NNT: variants seen among roughly 807,000 people sequenced by gnomAD.
NNT encodes the protein nicotinamide nucleotide transhydrogenase, also known as NAD(P) transhydrogenase, mitochondrial.
In NNT, 50 loss-of-function variants were observed where a neutral mutation model predicts 104.8. The ratio of observed to expected loss-of-function variants is 0.48; its 90% CI spans 0.38 to 0.60. NNT has a LOEUF of 0.60. Among genes scored for constraint, NNT ranks in the 20% least tolerant of loss-of-function variants. The pLI is 0.00. For synonymous variants in NNT, 461 were observed against 490.4 expected, an observed-to-expected ratio of 0.94 and a Z score of 0.79; for missense variants, 1,131 against 1,330.7, an observed-to-expected ratio of 0.85 and a Z score of 2.33.
chr5:43,655,906 T>G lies in NNT; in HGVS notation c.2126T>G (p.Leu709Ter). Residue 709 changes from leucine (L) to a stop codon, truncating the protein, a stop_gained, in exon 15 of 22, where the codon TTA becomes TGA. Transcript: ENST00000344920. LOFTEE classifies it high-confidence loss of function. ...LPQLVAAFHS[L>*]VGLAAVLTCI... ...CAATTAGTTGCTGCTTTTCACAGTTTAGTGGGTTTGGCAGCTGTACTTACT... is the reference window on the plus strand; with the variant it reads ...CAATTAGTTGCTGCTTTTCACAGTTGAGTGGGTTTGGCAGCTGTACTTACT... 1 of 1,614,268 alleles carries G rather than the reference T, an allele frequency of 6.2e-7. No individual in the cohort carries two copies. The highest frequency in any genetic ancestry group is 8.5e-7 in the Non-Finnish European group (1 of 1,180,054).
intron 7 of NNT, among the ~76,000 whole-genome samples, chr5:43,634,268 A>G (rs1308007369): frequency 6.6e-6 from 1 of 152,176 alleles, no homozygotes; most frequent in Non-Finnish European, 1.5e-5. Flanking sequence ...CTGTCTTGTT[A>G]AATTTATCTT....
intron 19 of NNT, among the ~76,000 whole-genome samples, chr5:43,684,052 A>T (rs1741857358): frequency 6.6e-6 from 1 of 152,310 alleles, no homozygotes; most frequent in Non-Finnish European, 1.5e-5. Context: ...CTTAGGTGAC[A>T]GCTCATCTCT....
intron 19 of NNT, among the ~76,000 whole-genome samples, chr5:43,678,659 C>T (rs765105221): frequency 6.6e-6 from 1 of 152,094 alleles, no homozygotes. Flanking sequence ...AAGAGCAAGA[C>T]CAAGTAATAA....
chr5:43,681,599 C>G (rs753997764), intron 19 of NNT, among the ~76,000 whole-genome samples: 6 of 152,002 alleles, frequency 3.9e-5, no homozygotes. Flanking sequence ...GGGGTTTCGC[C>G]ACGTTGGCCA....
Position 43,624,131 on chromosome 5 carries a change from T to G in NNT, c.776+11T>G. On this transcript the variant is annotated intron_variant, in intron 6 of 21. Transcript: ENST00000344920. ...AGGATTTGACACAAGGTGAGTGCTT[T>G]ACTAGTGACTGATGTTAAGGTAAAA... 1 of 1,612,202 alleles carries G rather than the reference T, an allele frequency of 6.2e-7. No individual in the cohort carries two copies. The highest frequency in any genetic ancestry group is 8.5e-7 in the Non-Finnish European group (1 of 1,178,254).
chr5:43,655,124 T>C (rs1397398841), intron 14 of NNT, among the ~76,000 whole-genome samples: 2 of 152,198 alleles, frequency 1.3e-5, no homozygotes, highest in Non-Finnish European at 2.9e-5. Context: ...GTGTTTCTTA[T>C]GTGCTCAGGA....
At chr5:43,633,113 T>A (rs143709813) in intron 7 of NNT, among the ~76,000 whole-genome samples, 2 of 152,274 alleles carry the variant, frequency 1.3e-5, no homozygotes, top group Non-Finnish European at 2.9e-5. Flanking sequence ...CCATAGCTAT[T>A]CTAAGGCCTG....
rs6899284 is a variant in NNT, at chr5:43,646,960, A to T, written c.1444+1450A>T. ...TCTGGCTATGCATTGTTGGAGGCTG[A>T]AATACGGATATTTGATTTTAAATTG... On this transcript the variant is annotated intron_variant, in intron 10 of 21. Transcript: ENST00000344920. Among the ~76,000 whole-genome samples, 1,405 of 152,342 alleles carry T rather than the reference A, an allele frequency of 9.2e-3. 14 individuals carry two copies. The highest frequency in any genetic ancestry group is 0.032 in the African/African-American group (1,315 of 41,580).
intron 19 of NNT, among the ~76,000 whole-genome samples, chr5:43,692,528 T>C (rs542778510): frequency 6.6e-6 from 1 of 152,304 alleles, no homozygotes; most frequent in Non-Finnish European, 1.5e-5. Flanking sequence ...TTCACCATGT[T>C]GGCCAGGCTG....
intron 14 of NNT, among the ~76,000 whole-genome samples, chr5:43,655,415 A>G (rs1047786800): frequency 5.3e-5 from 8 of 152,222 alleles, no homozygotes; most frequent in Admixed American, 5.2e-4. Flanking sequence ...CTGACATGAC[A>G]TCACAAGTGG....
chr5:43,638,664 G>GTTT (rs371989090), intron 7 of NNT, among the ~76,000 whole-genome samples: 5 of 133,744 alleles, frequency 3.7e-5, no homozygotes, highest in Non-Finnish European at 3.2e-5. Flanking sequence ...AGAAAGTTTT[G>GTTT]TTTTTTTTTT....
rs1482817158 is a variant in NNT at position 43,645,478 on chromosome 5, A to G, written c.1412A>G (p.Lys471Arg). 4 of 1,567,340 alleles carry G rather than the reference A, an allele frequency of 2.6e-6. No homozygotes were observed. The highest frequency in any genetic ancestry group is 3.5e-6 in the Non-Finnish European group (4 of 1,155,416). Residue 471 changes from lysine to arginine, a missense_variant, in exon 10 of 22, where the codon AAG becomes AGG. Coordinates refer to ENST00000344920, the MANE Select transcript of NNT (RefSeq NM_182977.3). ...GCAGCTACCATTACACCCTTCAGGA[A>G]GACAATGTCAACGGCTTCTGCATAT... The part of the protein sequence containing the change: ...EKAATITPFR[K>R]TMSTASAYTA...
intron 2 of NNT, among the ~76,000 whole-genome samples, chr5:43,611,471 C>T (rs1749496579): frequency 6.6e-6 from 1 of 152,164 alleles, no homozygotes; most frequent in South Asian, 2.1e-4. Context: ...AGGTTGTCAG[C>T]TAAGTGAACT....
At chr5:43,693,042 A>AT (rs143728935) in intron 19 of NNT, among the ~76,000 whole-genome samples, 4,444 of 147,994 alleles carry the variant, frequency 0.03, 171 homozygotes, top group African/African-American at 0.094. Flanking sequence ...AGCTTTATTT[A>AT]TTTTTTTTTT....
chr5:43,624,500 T>A (rs1750262716), intron 6 of NNT, among the ~76,000 whole-genome samples: 4 of 152,306 alleles, frequency 2.6e-5, no homozygotes, highest in Admixed American at 2.0e-4. Flanking sequence ...CTACCGTGAA[T>A]GAATAGAAGC....
chr5:43,618,713 T>G (rs532628199), intron 4 of NNT, among the ~76,000 whole-genome samples: 1 of 152,332 alleles, frequency 6.6e-6, no homozygotes, highest in Admixed American at 6.5e-5. Context: ...AGTGCCTCTG[T>G]AGGCAGACTG....
intron 2 of NNT, 112 bp from the exon 3 acceptor site, chr5:43,612,796 G>C: frequency 4.4e-6 from 3 of 685,270 alleles, no homozygotes; most frequent in Non-Finnish European, 7.5e-6. Context: ...TGCATGTGTG[G>C]TATATTTTGA....
Position 43,656,775 on chromosome 5 carries a change from A to T in NNT, c.2416A>T (p.Thr806Ser), listed in dbSNP as rs956796576. The change falls in exon 16 of 22, where the codon ACC becomes TCC. Residue 806 changes from threonine (T) to serine (S), a missense_variant. Transcript: ENST00000344920. ...GGACCCAAGCTTTACTACTGGCATC[A>T]CCTGTCTGGGTTCAGTGTCTGCTCT... ...MVDPSFTTGI[T>S]CLGSVSALSA... is the part of the protein sequence containing the mutation. 4.3e-6 allele frequency: 7 copies of T among 1,613,952 alleles called. No individual in the cohort carries two copies. The East Asian group carries it at 1.3e-4, about 31-fold the overall frequency.
rs539740933 is a variant in NNT at position 43,612,489 on chromosome 5, G to A, written c.152-419G>A. On this transcript the variant is annotated intron_variant, in intron 2 of 21. Coordinates refer to ENST00000344920, the MANE Select transcript of NNT (RefSeq NM_182977.3). ...GTGTGGCAGGCCATCAAAGTGTCTA[G>A]GATACAGTTGTTCTTCAAAATAGCT... is the stretch of plus-strand genomic sequence containing the variant. Among the ~76,000 whole-genome samples, 20 of 152,266 alleles carry A rather than the reference G, an allele frequency of 1.3e-4. No homozygotes were observed. The South Asian group carries it at 3.9e-3, about 30-fold the overall frequency.
Sources: allele counts gnomAD v4.1 joint callset (sites outside exome capture counted in the v4.1 genomes callset), GRCh38; gene constraint gnomAD v4.1.1; transcripts MANE v1.5; gene names NCBI Gene and HGNC (gene_info 2026-07-23, HGNC 2026-07-21).